GABRB1: variants seen among roughly 807,000 people sequenced by gnomAD.
The protein encoded by GABRB1 is gamma-aminobutyric acid receptor subunit beta-1.
Under a neutral mutation model 51.6 loss-of-function variants are expected in GABRB1, and 17 were observed. The observed-to-expected ratio is 0.33, with a 90% confidence interval of 0.23 to 0.49. The LOEUF is 0.49. GABRB1 is among the 20% of genes least tolerant of loss of function. The probability of loss-of-function intolerance (pLI) is 0.99; values close to 1 mark genes in which losing one functional copy is unlikely to be tolerated. For missense variants in GABRB1, 410 were observed against 600.6 expected (o/e 0.68, Z 3.32); for synonymous variants, 247 against 218.9 (o/e 1.13, Z -1.14).
At chr4:47,176,454 A>G (rs1407377411) in intron 4 of GABRB1, among the ~76,000 whole-genome samples, 1 of 152,144 alleles carries the variant, frequency 6.6e-6, no homozygotes, top group Admixed American at 6.6e-5. Flanking sequence ...AACTGAAAGA[A>G]CAGACTTGAG....
At chr4:47,176,182 T>A (rs1205479713) in intron 4 of GABRB1, among the ~76,000 whole-genome samples, 1 of 152,048 alleles carries the variant, frequency 6.6e-6, no homozygotes, top group African/African-American at 2.4e-5. Flanking sequence ...TTAGTTCAGG[T>A]GGTGTATTAT....
chr4:47,110,287 A>G (rs1715162045), intron 3 of GABRB1, among the ~76,000 whole-genome samples: 1 of 152,152 alleles, frequency 6.6e-6, no homozygotes, highest in South Asian at 2.1e-4. Flanking sequence ...TTAAAAAAAA[A>G]TACAAATCTC....
At chr4:47,093,917 G>A (rs1043271916) in intron 3 of GABRB1, among the ~76,000 whole-genome samples, 6 of 151,908 alleles carry the variant, frequency 3.9e-5, no homozygotes, top group Non-Finnish European at 7.4e-5. Flanking sequence ...CCAATGAATG[G>A]AGCAGCTTTA....
intron 5 of GABRB1, among the ~76,000 whole-genome samples, chr4:47,361,923 G>A (rs942792120): frequency 6.6e-6 from 1 of 152,038 alleles, no homozygotes; most frequent in Non-Finnish European, 1.5e-5. Context: ...AATCTAGGCT[G>A]GACATGTACA....
intron 4 of GABRB1, among the ~76,000 whole-genome samples, chr4:47,253,604 C>T (rs1414444270): frequency 1.3e-5 from 2 of 152,238 alleles, no homozygotes; most frequent in East Asian, 3.9e-4. Context: ...AATTATACCC[C>T]AAACACCACC....
intron 3 of GABRB1, among the ~76,000 whole-genome samples, chr4:47,126,375 T>G (rs899361412): frequency 6.6e-6 from 1 of 152,160 alleles, no homozygotes; most frequent in Non-Finnish European, 1.5e-5. Context: ...TAATACAGTA[T>G]TGTTTAATTG....
chr4:47,163,297 T>G (rs1718040502), intron 4 of GABRB1, among the ~76,000 whole-genome samples: 1 of 152,036 alleles, frequency 6.6e-6, no homozygotes, highest in African/African-American at 2.4e-5. Context: ...TCTAAAGTAG[T>G]TGTGCCTTAT....
Position 47,284,787 on chromosome 4 carries a change from T to G in GABRB1, c.462-35340T>G, listed in dbSNP as rs1672796138. On this transcript the variant is annotated intron_variant, in intron 4 of 8. Coordinates refer to ENST00000295454, the MANE Select transcript of GABRB1 (RefSeq NM_000812.4). ...CTGTGCAAGCACAAAACAAACAGTT[T>G]CATAATTAAACAAAGGTATTCTCAA... 2.0e-5 allele frequency among the ~76,000 whole-genome samples: 3 copies of G among 152,196 alleles called. No individual in the cohort carries two copies. In the South Asian group the frequency reaches 6.2e-4, roughly 31 times the overall value.
At chr4:47,304,956 A>C (rs1724390933) in intron 4 of GABRB1, among the ~76,000 whole-genome samples, 1 of 152,076 alleles carries the variant, frequency 6.6e-6, no homozygotes. Flanking sequence ...CTCACTTAAC[A>C]TGGGAGGAAA....
At chr4:47,195,773 C>T (rs10017581) in intron 4 of GABRB1, among the ~76,000 whole-genome samples, 128,810 of 152,218 alleles carry the variant, frequency 0.85, 54,488 homozygotes, top group Middle Eastern at 0.92. Flanking sequence ...GTCTTGAAGA[C>T]TCCACTGAAT....
chr4:47,325,308 G>T (rs1725223174), intron 5 of GABRB1, among the ~76,000 whole-genome samples: 1 of 152,036 alleles, frequency 6.6e-6, no homozygotes, highest in African/African-American at 2.4e-5. Context: ...GGTGGCACAT[G>T]CCTGTAATCC....
intron 3 of GABRB1, among the ~76,000 whole-genome samples, chr4:47,085,599 C>T (rs1024701622): frequency 6.6e-6 from 1 of 152,144 alleles, no homozygotes; most frequent in East Asian, 1.9e-4. Flanking sequence ...CACTTCTCAA[C>T]AGAGCTTGTT....
At chr4:47,411,505 G>A (rs13106855) in intron 8 of GABRB1, among the ~76,000 whole-genome samples, 68,438 of 152,054 alleles carry the variant, frequency 0.45, 17,946 homozygotes, top group African/African-American at 0.73. Flanking sequence ...TAGTGAGGAA[G>A]GATGTGGGAT....
intron 4 of GABRB1, among the ~76,000 whole-genome samples, chr4:47,297,465 G>A (rs1428740701): frequency 6.6e-6 from 1 of 151,916 alleles, no homozygotes; most frequent in Non-Finnish European, 1.5e-5. Context: ...TACCATCAGA[G>A]AATACTACAA....
intron 4 of GABRB1, among the ~76,000 whole-genome samples, chr4:47,168,623 A>C (rs186974401): frequency 4.6e-4 from 70 of 152,262 alleles, no homozygotes; most frequent in Middle Eastern, 6.8e-3. Flanking sequence ...GGGACCCAAA[A>C]TGCCTGACTG....
intron 5 of GABRB1, among the ~76,000 whole-genome samples, chr4:47,337,870 A>G (rs1725756735): frequency 6.6e-6 from 1 of 151,878 alleles, no homozygotes; most frequent in South Asian, 2.1e-4. Flanking sequence ...AATATCATGT[A>G]AAGTGCCCAG....
chr4:46,997,031 C>G (rs1024924560), intron 1 of GABRB1, among the ~76,000 whole-genome samples: 2 of 152,064 alleles, frequency 1.3e-5, no homozygotes, highest in African/African-American at 4.8e-5. Flanking sequence ...TAATGTATTT[C>G]TCTGTCCCTC....
intron 4 of GABRB1, among the ~76,000 whole-genome samples, chr4:47,195,461 TGATAGATAGATAGATA>T (rs200527612): frequency 3.0e-4 from 26 of 85,452 alleles, no homozygotes; most frequent in African/African-American, 8.8e-4. Flanking sequence ...ATAGATTAGA[TGATAGATAGATAGATA>T]GATAGATAGA....
chr4:47,201,197 T>C (rs1351095111), intron 4 of GABRB1, among the ~76,000 whole-genome samples: 4 of 152,134 alleles, frequency 2.6e-5, no homozygotes, highest in African/African-American at 9.7e-5. Flanking sequence ...AGGGAGACCA[T>C]CTTTTATATC....
Sources: allele counts gnomAD v4.1 joint callset (sites outside exome capture counted in the v4.1 genomes callset), GRCh38; gene constraint gnomAD v4.1.1; transcripts MANE v1.5; gene names NCBI Gene and HGNC (gene_info 2026-07-23, HGNC 2026-07-21).